Variants in PTPRM observed in about 807,000 individuals in gnomAD.
PTPRM encodes protein tyrosine phosphatase receptor type M.
Under a neutral mutation model 186.7 loss-of-function variants are expected in PTPRM, and 47 were observed. The observed-to-expected ratio is 0.25, with a 90% CI of 0.20 to 0.32. PTPRM has a LOEUF of 0.32. Ranked by LOEUF, PTPRM falls within the 10% of genes least tolerant of loss-of-function variation. The pLI, the probability that PTPRM is intolerant of heterozygous loss-of-function variation, is 1.00. For missense variants in PTPRM, 1,494 were observed against 1,865.0 expected, an observed-to-expected ratio of 0.80 and a Z score of 3.66; for synonymous variants, 668 against 674.9, an observed-to-expected ratio of 0.99 and a Z score of 0.16.
At chr18:8,403,030 G>A (rs1057327073) in intron 32 of PTPRM, 2 of 152,154 alleles carry the variant, frequency 1.3e-5, no homozygotes, top group African/African-American at 4.8e-5. Flanking sequence ...GAGAAAGCTG[G>A]AAGGGAAACT....
intron 6 of PTPRM, among the ~76,000 whole-genome samples, chr18:7,953,854 C>T (rs962043481): frequency 3.3e-5 from 5 of 152,154 alleles, no homozygotes; most frequent in Admixed American, 2.0e-4. Context: ...GCAGAAATTT[C>T]AGCAAGCAAG....
chr18:8,011,603 T>C (rs1736337697), intron 7 of PTPRM, among the ~76,000 whole-genome samples: 1 of 152,242 alleles, frequency 6.6e-6, no homozygotes, highest in Non-Finnish European at 1.5e-5. Flanking sequence ...AATATGAGAC[T>C]TGTTACAATG....
intron 2 of PTPRM, among the ~76,000 whole-genome samples, chr18:7,860,354 T>C (rs2047308824): frequency 6.6e-6 from 1 of 152,196 alleles, no homozygotes; most frequent in African/African-American, 2.4e-5. Flanking sequence ...ATTACAGGTA[T>C]GAGCCACTGT....
chr18:7,942,299 A>AT (rs1568046003), intron 5 of PTPRM, among the ~76,000 whole-genome samples: 1 of 151,016 alleles, frequency 6.6e-6, no homozygotes. Flanking sequence ...AAAAAAAAAA[A>AT]TATTTAATAC....
chr18:8,252,471 A>G lies in PTPRM; in HGVS notation c.2555-17A>G, dbSNP rs886303820. 2.0e-6 allele frequency: 3 copies of G among 1,534,496 alleles called. No homozygotes were observed. The highest frequency in any genetic ancestry group is 3.3e-5 in the Admixed American group (2 of 59,888). ...TTTTCTCCTCCTTTTTTCTCCTGAT[A>G]TGTATCTTCTTAAAAGTGCCAATAA... On this transcript the variant is annotated splice_polypyrimidine_tract_variant and intron_variant, in intron 17 of 32. Transcript: ENST00000580170.
intron 22 of PTPRM, 38 bp from the exon 23 acceptor site, chr18:8,343,385 C>G (rs372380991): frequency 6.3e-7 from 1 of 1,592,284 alleles, no homozygotes; most frequent in Non-Finnish European, 8.6e-7. Context: ...TTGAAACTTA[C>G]AACAAAAACA....
At chr18:8,249,001 T>C (rs1409360635) in intron 17 of PTPRM, among the ~76,000 whole-genome samples, 1 of 152,236 alleles carries the variant, frequency 6.6e-6, no homozygotes, top group African/African-American at 2.4e-5. Context: ...TGAGCTGCTG[T>C]TGCATTTGAG....
At chr18:7,819,042 G>A (rs1202948000) in intron 2 of PTPRM, among the ~76,000 whole-genome samples, 1 of 152,238 alleles carries the variant, frequency 6.6e-6, no homozygotes, top group Non-Finnish European at 1.5e-5. Flanking sequence ...TATTATTCTT[G>A]TCTAGATGGT....
At chr18:8,055,553 A>C (rs2087863063) in intron 7 of PTPRM, among the ~76,000 whole-genome samples, 1 of 152,172 alleles carries the variant, frequency 6.6e-6, no homozygotes, top group Admixed American at 6.5e-5. Flanking sequence ...TCATTTTTAG[A>C]ATTACATTTT....
At position 8,406,321 on chromosome 18, in the gene PTPRM, C is replaced by T; in HGVS notation, c.*159C>T. 3 of 660,794 alleles carry T rather than the reference C, an allele frequency of 4.5e-6. No individual in the cohort carries two copies. The East Asian group carries it at 8.3e-5, about 18-fold the overall frequency. The allele number at this position is 660,794 out of a possible 1,614,324, so 40.9% of individuals were successfully genotyped here. On this transcript the variant is annotated 3_prime_UTR_variant, in exon 33 of 33. Coordinates refer to ENST00000580170, the MANE Select transcript of PTPRM (RefSeq NM_001105244.2). ...AAGAAAGTGTTTCTAAAATTGCTTGCACTGCCCAATCCCAGTAATGCTGCT... is the reference window on the plus strand; with the variant it reads ...AAGAAAGTGTTTCTAAAATTGCTTGTACTGCCCAATCCCAGTAATGCTGCT...
intron 1 of PTPRM, among the ~76,000 whole-genome samples, chr18:7,597,492 T>TA (rs1390425648): frequency 2.6e-5 from 4 of 152,172 alleles, no homozygotes. Context: ...GGAATTTAAT[T>TA]ATGTATTTTA....
intron 13 of PTPRM, among the ~76,000 whole-genome samples, chr18:8,131,554 G>T (rs779957738): frequency 3.2e-4 from 49 of 152,252 alleles, no homozygotes; most frequent in African/African-American, 1.1e-3. Flanking sequence ...GCCATTTGAG[G>T]TTCCTTTGTC....
chr18:7,745,631 C>T (rs1247884938), intron 1 of PTPRM, among the ~76,000 whole-genome samples: 2 of 152,118 alleles, frequency 1.3e-5, no homozygotes, highest in African/African-American at 4.8e-5. Flanking sequence ...TTGCCAGTGC[C>T]CCTAGCATAT....
intron 4 of PTPRM, among the ~76,000 whole-genome samples, chr18:7,907,664 G>A (rs1219972418): frequency 5.3e-5 from 8 of 152,154 alleles, no homozygotes; most frequent in African/African-American, 1.7e-4. Context: ...CTAGGAAAGT[G>A]AGTTGTTGGC....
At chr18:7,584,235 A>C (rs1230677813) in intron 1 of PTPRM, among the ~76,000 whole-genome samples, 1 of 152,242 alleles carries the variant, frequency 6.6e-6, no homozygotes, top group Non-Finnish European at 1.5e-5. Flanking sequence ...GCAATTATGA[A>C]TTCAGACATT....
At chr18:8,400,602 C>T (rs565486953) in intron 32 of PTPRM, among the ~76,000 whole-genome samples, 7 of 152,276 alleles carry the variant, frequency 4.6e-5, no homozygotes, top group African/African-American at 1.4e-4. Context: ...CACAGCTCGC[C>T]GCCCCCTCCC....
At chr18:7,733,107 T>C (rs1019318506) in intron 1 of PTPRM, among the ~76,000 whole-genome samples, 7 of 152,312 alleles carry the variant, frequency 4.6e-5, no homozygotes, top group African/African-American at 1.2e-4. Context: ...CCGGGATACA[T>C]GTACCGAATG....
At chr18:8,091,322 G>T (rs766770953) in intron 11 of PTPRM, among the ~76,000 whole-genome samples, 2 of 152,146 alleles carry the variant, frequency 1.3e-5, no homozygotes, top group Non-Finnish European at 2.9e-5. Context: ...TATGCTCCTT[G>T]AATTTGCCAG....
chr18:7,689,401 C>T (rs1381414040), intron 1 of PTPRM, among the ~76,000 whole-genome samples: 1 of 152,224 alleles, frequency 6.6e-6, no homozygotes, highest in African/African-American at 2.4e-5. Flanking sequence ...AATGCCCTCC[C>T]TCGGCCCACC....
Sources: gnomAD v4.1 joint callset for allele counts (sites outside exome capture counted in the v4.1 genomes callset) on GRCh38, gnomAD v4.1.1 for gene constraint, MANE v1.5 for transcripts, NCBI Gene and HGNC (gene_info 2026-07-23, HGNC 2026-07-21) for gene names.